Variants in PRKCI observed in about 807,000 individuals in gnomAD.
PRKCI encodes the protein protein kinase C iota type.
A neutral mutation model predicts 84.0 loss-of-function variants in PRKCI; 43 were observed. That is an observed-to-expected ratio of 0.51 (90% CI 0.40 to 0.66). The LOEUF (loss-of-function observed/expected upper bound fraction) is 0.66, where lower values mean the gene tolerates loss of function less well. Ranked by LOEUF, PRKCI falls within the 30% of genes least tolerant of loss-of-function variation. The pLI, the probability that PRKCI is intolerant of heterozygous loss-of-function variation, is 0.00. For missense variants in PRKCI, 459 were observed against 745.6 expected (o/e 0.62, Z 4.48); for synonymous variants, 216 against 234.4 (o/e 0.92, Z 0.72).
At chr3:170,283,125 T>C (rs1330520793) in intron 11 of PRKCI, among the ~76,000 whole-genome samples, 4 of 151,896 alleles carry the variant, frequency 2.6e-5, no homozygotes, top group African/African-American at 9.7e-5. Flanking sequence ...AAAAAAGTAT[T>C]GAATATTAAT....
chr3:170,281,797 T>C, intron 10 of PRKCI, 85 bp from the exon 11 acceptor site: 2 of 1,486,772 alleles, frequency 1.3e-6, no homozygotes, highest in Non-Finnish European at 1.8e-6. Context: ...TAGAGAATGC[T>C]CTCTGTTGTG....
chr3:170,233,048 A>G (rs1220131028), intron 1 of PRKCI, among the ~76,000 whole-genome samples: 1 of 151,906 alleles, frequency 6.6e-6, no homozygotes, highest in East Asian at 1.9e-4. Context: ...CTTTGAGATT[A>G]TATGAATACT....
chr3:170,300,877 TTC>T (rs1734802896), intron 17 of PRKCI, among the ~76,000 whole-genome samples: 2 of 152,098 alleles, frequency 1.3e-5, no homozygotes, highest in South Asian at 4.1e-4. Context: ...CCTATTCTGG[TTC>T]TGTTTCATCT....
At chr3:170,286,004 A>C (rs186950944) in intron 12 of PRKCI, among the ~76,000 whole-genome samples, 61 of 151,384 alleles carry the variant, frequency 4.0e-4, no homozygotes, top group African/African-American at 1.4e-3. Context: ...GGCTCACTGC[A>C]ACCTCCACCT....
At chr3:170,263,497 C>A in intron 4 of PRKCI, 68 bp downstream of exon 4, 2 of 1,389,826 alleles carry the variant, frequency 1.4e-6, no homozygotes, top group South Asian at 1.2e-5. Flanking sequence ...AAAAAGAAAT[C>A]AGAGATAGAA....
At chr3:170,253,170 A>G (rs1032965226) in intron 2 of PRKCI, among the ~76,000 whole-genome samples, 12 of 152,244 alleles carry the variant, frequency 7.9e-5, no homozygotes, top group Non-Finnish European at 1.5e-4. Flanking sequence ...ATATCTCTTC[A>G]ATATACTGAT....
At chr3:170,295,656 A>T (rs1002524148) in intron 14 of PRKCI, among the ~76,000 whole-genome samples, 1 of 150,712 alleles carries the variant, frequency 6.6e-6, no homozygotes, top group Non-Finnish European at 1.5e-5. Context: ...AGCCTGGATG[A>T]CAAAACAAGA....
chr3:170,302,818 T>C (rs866742709), intron 17 of PRKCI, among the ~76,000 whole-genome samples: 2 of 152,218 alleles, frequency 1.3e-5, no homozygotes, highest in African/African-American at 4.8e-5. Flanking sequence ...AGTTTTGAAC[T>C]CCTTTTTGGC....
chr3:170,275,161 A>G (rs1357307686), intron 7 of PRKCI, 68 bp from the exon 8 acceptor site: 1 of 1,431,858 alleles, frequency 7.0e-7, no homozygotes, highest in Non-Finnish European at 9.1e-7. Flanking sequence ...AAACTCATTA[A>G]TGGTTGCTGT....
At chr3:170,299,444 C>T (rs965879875) in intron 17 of PRKCI, among the ~76,000 whole-genome samples, 1 of 152,190 alleles carries the variant, frequency 6.6e-6, no homozygotes, top group Non-Finnish European at 1.5e-5. Flanking sequence ...CCAGGCTGAT[C>T]TTGAACTCCA....
chr3:170,242,580 A>C (rs1200084820), intron 2 of PRKCI, among the ~76,000 whole-genome samples: 1 of 149,768 alleles, frequency 6.7e-6, no homozygotes, highest in Non-Finnish European at 1.5e-5. Context: ...ATAATGTTAT[A>C]ATGTAAAGAA....
intron 8 of PRKCI, among the ~76,000 whole-genome samples, chr3:170,277,919 G>A (rs911466387): frequency 3.0e-4 from 45 of 151,644 alleles, no homozygotes; most frequent in African/African-American, 9.9e-4. Context: ...TCCTTCCTAC[G>A]TCTGTTCCTC....
intron 3 of PRKCI, among the ~76,000 whole-genome samples, chr3:170,260,714 A>C (rs1733703894): frequency 6.6e-6 from 1 of 152,132 alleles, no homozygotes; most frequent in South Asian, 2.1e-4. Flanking sequence ...TGGTCTCCCA[A>C]AGCACTGAGA....
chr3:170,240,490 G>A (rs909580052), intron 2 of PRKCI, among the ~76,000 whole-genome samples: 3 of 152,124 alleles, frequency 2.0e-5, no homozygotes, highest in South Asian at 2.1e-4. Flanking sequence ...ATTAAGGTCT[G>A]TTGATTCCCA....
intron 10 of PRKCI, 191 bp from the exon 11 acceptor site, chr3:170,281,691 A>C: frequency 1.6e-6 from 1 of 644,570 alleles, no homozygotes; most frequent in Non-Finnish European, 2.3e-6. Context: ...TAGGTTACAA[A>C]ATTATTATCA....
At chr3:170,266,488 G>A (rs775607888) in intron 4 of PRKCI, among the ~76,000 whole-genome samples, 4 of 151,208 alleles carry the variant, frequency 2.6e-5, no homozygotes, top group African/African-American at 7.3e-5. Flanking sequence ...GCCTCTAATC[G>A]TAAGTAAACA....
chr3:170,230,750 G>A (rs985764759), intron 1 of PRKCI, among the ~76,000 whole-genome samples: 1 of 151,930 alleles, frequency 6.6e-6, no homozygotes, highest in African/African-American at 2.4e-5. Context: ...ACCATTATTG[G>A]GCAGATTGTC....
At chr3:170,225,020 C>G (rs1472892495) in intron 1 of PRKCI, among the ~76,000 whole-genome samples, 1 of 152,142 alleles carries the variant, frequency 6.6e-6, no homozygotes, top group Non-Finnish European at 1.5e-5. Context: ...ATTTAGATAG[C>G]AAATTATCTT....
chr3:170,285,052 G>A (rs1241803499), intron 12 of PRKCI, among the ~76,000 whole-genome samples: 1 of 149,344 alleles, frequency 6.7e-6, no homozygotes, highest in Non-Finnish European at 1.5e-5. Context: ...AAGAATTTCA[G>A]TTACTCCCGG....
Sources: gnomAD v4.1 joint callset for allele counts (sites outside exome capture counted in the v4.1 genomes callset) on GRCh38, gnomAD v4.1.1 for gene constraint, MANE v1.5 for transcripts, NCBI Gene and HGNC (gene_info 2026-07-23, HGNC 2026-07-21) for gene names.